HTR2B: variants seen among roughly 807,000 people sequenced by gnomAD.
The protein encoded by HTR2B is 5-hydroxytryptamine receptor 2B.
In HTR2B, 31 loss-of-function variants were observed where a neutral mutation model predicts 39.8. That is an observed-to-expected ratio of 0.78 (90% CI 0.58 to 1.05). The LOEUF (loss-of-function observed/expected upper bound fraction) is 1.05. Among genes scored for constraint, HTR2B ranks in the 50% least tolerant of loss-of-function variants. The probability of loss-of-function intolerance (pLI) is 0.00; values close to 1 mark genes in which losing one functional copy is unlikely to be tolerated. For missense variants in HTR2B, 562 were observed against 578.0 expected (o/e 0.97, Z 0.28); for synonymous variants, 210 against 207.1 (o/e 1.01, Z -0.12).
intron 2 of HTR2B, among the ~76,000 whole-genome samples, chr2:231,120,858 A>G (rs980629133): frequency 2.6e-5 from 4 of 152,238 alleles, no homozygotes; most frequent in African/African-American, 4.8e-5. Flanking sequence ...CACTACAATA[A>G]GAGTGTAAAG....
chr2:231,114,332 T>C (rs1190706545), intron 2 of HTR2B, among the ~76,000 whole-genome samples: 4 of 152,156 alleles, frequency 2.6e-5, no homozygotes, highest in African/African-American at 7.2e-5. Context: ...CATTTTACCA[T>C]GTAGAGGAAA....
At chr2:231,124,555 T>C (rs1022862004) in intron 1 of HTR2B, among the ~76,000 whole-genome samples, 1 of 152,132 alleles carries the variant, frequency 6.6e-6, no homozygotes, top group African/African-American at 2.4e-5. Flanking sequence ...GATATAAATG[T>C]CATTTTAGAT....
In HTR2B at chr2:231,109,234, A is replaced by C. The variant is rs745582047; in HGVS notation, c.729T>G (p.Ala243=). 54 of 1,614,104 alleles carry C rather than the reference A, an allele frequency of 3.3e-5. No homozygotes were observed. The highest frequency in any genetic ancestry group is 5.9e-6 in the Non-Finnish European group (7 of 1,180,052). Residue 243 remains alanine, a synonymous_variant, in exon 4 of 4, where the codon GCT becomes GCG. Transcript: ENST00000258400. ...MIVTYFLTIH[A]LQKKAYLVKN... Reference sequence around the variant, plus strand: ...TGACTAAGTAAGCCTTCTTCTGTAAAGCATGGATAGTGAGAAAGTAGGTGA... The same window carrying C: ...TGACTAAGTAAGCCTTCTTCTGTAACGCATGGATAGTGAGAAAGTAGGTGA...
At chr2:231,113,987 T>A in intron 2 of HTR2B, 58 bp from the exon 3 acceptor site, 2 of 1,412,358 alleles carry the variant, frequency 1.4e-6, no homozygotes, top group Non-Finnish European at 2.0e-6. Flanking sequence ...ACTTTCAGTC[T>A]ACAGTTTTTC....
Position 231,108,618 on chromosome 2 carries a change from G to A in HTR2B, c.1345C>T (p.Arg449Ter), listed in dbSNP as rs372246787. 33 of 1,613,746 alleles carry A rather than the reference G, an allele frequency of 2.0e-5. No individual in the cohort carries two copies. Among genetic ancestry groups the A allele is most frequent in the East Asian group, 1.6e-4 (7 of 44,842 alleles). ...GATGAAGACTGAATGGTTGAACTTCGGAGCCTCATTGGACTCTGGTACATG... is the reference window on the plus strand; with the variant it reads ...GATGAAGACTGAATGGTTGAACTTCAGAGCCTCATTGGACTCTGGTACATG... ...PAMYQSPMRL[R>*]SSTIQSSSII... is the part of the protein sequence containing the mutation. Residue 449 changes from arginine to a stop codon, truncating the protein, a stop_gained, in exon 4 of 4, where the codon CGA (arginine) becomes TGA (stop). Coordinates refer to ENST00000258400, the MANE Select transcript of HTR2B (RefSeq NM_000867.5). LOFTEE classifies it high-confidence loss of function.
At chr2:231,120,738 C>T (rs1233968243) in intron 2 of HTR2B, among the ~76,000 whole-genome samples, 5 of 152,158 alleles carry the variant, frequency 3.3e-5, no homozygotes, top group Non-Finnish European at 5.9e-5. Flanking sequence ...GTGTTACTTT[C>T]ATTGAATTCC....
intron 2 of HTR2B, among the ~76,000 whole-genome samples, chr2:231,123,088 G>A (rs1375234440): frequency 6.6e-6 from 1 of 152,078 alleles, no homozygotes; most frequent in Non-Finnish European, 1.5e-5. Context: ...GTGTAGAAAA[G>A]TTAAAGTATA....
intron 3 of HTR2B, among the ~76,000 whole-genome samples, chr2:231,111,795 G>A (rs1400674553): frequency 6.6e-6 from 1 of 152,122 alleles, no homozygotes; most frequent in Non-Finnish European, 1.5e-5. Context: ...AGGAAGAAGT[G>A]GATTTCTAAA....
At chr2:231,111,228 A>G (rs1480522093) in intron 3 of HTR2B, among the ~76,000 whole-genome samples, 1 of 152,136 alleles carries the variant, frequency 6.6e-6, no homozygotes, top group Non-Finnish European at 1.5e-5. Context: ...AGCCATCTAC[A>G]AGTCTACTTA....
Position 231,113,859 on chromosome 2 carries a change from T to A in HTR2B, c.423A>T (p.Ala141=), listed in dbSNP as rs754226634. 6 of 1,614,032 alleles carry A rather than the reference T, an allele frequency of 3.7e-6. No homozygotes were observed. The highest frequency in any genetic ancestry group is 8.5e-7 in the Non-Finnish European group (1 of 1,180,010). The change falls in exon 3 of 4, where the codon GCA becomes GCT. Residue 141 remains alanine (A), a synonymous_variant. Coordinates refer to ENST00000258400, the MANE Select transcript of HTR2B (RefSeq NM_000867.5). ...WLFLDVLFST[A]SIMHLCAISV... ...AAATGGCACAGAGATGCATGATGGA[T>A]GCGGTTGAAAAGAGAACGTCAAGAA...
intron 2 of HTR2B, among the ~76,000 whole-genome samples, chr2:231,120,654 A>G (rs1695508099): frequency 6.6e-6 from 1 of 152,248 alleles, no homozygotes; most frequent in South Asian, 2.1e-4. Flanking sequence ...TAAGGACAGA[A>G]GGTCCACTTT....
chr2:231,121,619 A>C (rs1421521647), intron 2 of HTR2B, among the ~76,000 whole-genome samples: 1 of 152,164 alleles, frequency 6.6e-6, no homozygotes, highest in East Asian at 1.9e-4. Flanking sequence ...TTAAACAGGT[A>C]AATCTTTGTT....
intron 3 of HTR2B, among the ~76,000 whole-genome samples, chr2:231,110,124 A>G (rs1559234427): frequency 6.6e-6 from 1 of 152,142 alleles, no homozygotes; most frequent in Non-Finnish European, 1.5e-5. Context: ...GTTTGAGACA[A>G]GCCTGGCCAA....
intron 3 of HTR2B, 32 bp downstream of exon 3, chr2:231,113,697 A>T: frequency 6.3e-7 from 1 of 1,584,014 alleles, no homozygotes; most frequent in Non-Finnish European, 8.7e-7. Flanking sequence ...AAGATTTTGT[A>T]TACCACCCAC....
In HTR2B at chr2:231,109,088, G is replaced by A. The variant is rs1373467249; in HGVS notation, c.875C>T (p.Ala292Val). Residue 292 changes from alanine (A) to valine (V), a missense_variant, in exon 4 of 4, where the codon GCT (alanine) becomes GTT (valine). Coordinates refer to ENST00000258400, the MANE Select transcript of HTR2B (RefSeq NM_000867.5). ...AMLDGSRKDK[A>V]LPNSGDETLM... ...TGTTTCATCACCTGAGTTGGGCAGA[G>A]CCTTGTCCTTTCGAGAACCATCCAG... The A allele has an allele frequency of 1.2e-6, 2 of 1,614,092 alleles. No individual in the cohort carries two copies. Among genetic ancestry groups the A allele is most frequent in the Admixed American group, 1.7e-5 (1 of 60,010 alleles).
chr2:231,110,868 T>C (rs74676741), intron 3 of HTR2B, among the ~76,000 whole-genome samples: 3,646 of 152,272 alleles, frequency 0.024, 151 homozygotes, highest in African/African-American at 0.084. Flanking sequence ...AGAAACCATA[T>C]ACGCCCTGCA....
At chr2:231,109,769 A>G (rs1028431122) in intron 3 of HTR2B, among the ~76,000 whole-genome samples, 6 of 152,322 alleles carry the variant, frequency 3.9e-5, no homozygotes, top group Admixed American at 3.3e-4. Flanking sequence ...TCAGAAGAGA[A>G]CCTGCTTTTT....
At position 231,123,624 on chromosome 2, in the gene HTR2B, A is replaced by G; in HGVS notation, c.141T>C (p.Val47=). ...AGTGCAGTTTATTTCCCTGTTCCTC[A>G]ACAATCTGTTTCATTTCCTCTGGTA... The part of the protein sequence containing the change: ...ESIPEEMKQI[V]EEQGNKLHWA... The change falls in exon 2 of 4, where the codon GTT becomes GTC. Residue 47 remains valine (V), a synonymous_variant. Coordinates refer to ENST00000258400, the MANE Select transcript of HTR2B (RefSeq NM_000867.5). 1.2e-6 allele frequency: 2 copies of G among 1,614,154 alleles called. No individual in the cohort carries two copies. Among genetic ancestry groups the G allele is most frequent in the Non-Finnish European group, 1.7e-6 (2 of 1,179,986 alleles).
chr2:231,112,929 C>G (rs1358959970), intron 3 of HTR2B, among the ~76,000 whole-genome samples: 1 of 152,136 alleles, frequency 6.6e-6, no homozygotes, highest in Non-Finnish European at 1.5e-5. Context: ...CTTTGGGAGG[C>G]TGGGGCAGGG....
Sources: allele counts gnomAD v4.1 joint callset (sites outside exome capture counted in the v4.1 genomes callset), GRCh38; gene constraint gnomAD v4.1.1; transcripts MANE v1.5; gene names NCBI Gene and HGNC (gene_info 2026-07-23, HGNC 2026-07-21).